The following KSR2 variants were observed in gnomAD, a reference collection of about 807,000 sequenced individuals.
KSR2 encodes kinase suppressor of ras 2.
A neutral mutation model predicts 107.8 loss-of-function variants in KSR2; 25 were observed. That is an observed-to-expected ratio of 0.23 (90% confidence interval 0.17 to 0.32). The LOEUF is 0.32. Among genes scored for constraint, KSR2 ranks in the 10% least tolerant of loss-of-function variants. The pLI is 1.00. For synonymous variants in KSR2, 480 were observed against 507.0 expected (o/e 0.95, Z 0.71); for missense variants, 887 against 1,268.9 (o/e 0.70, Z 4.57).
Position 117,767,140 on chromosome 12 carries a change from G to A in KSR2, c.473-5616C>T, listed in dbSNP as rs557924886. 6.9e-4 allele frequency among the ~76,000 whole-genome samples: 105 copies of A among 151,872 alleles called. 1 individual carries two copies. The highest frequency in any genetic ancestry group is 3.9e-3 in the Admixed American group (59 of 15,248). On this transcript the variant is annotated intron_variant, in intron 3 of 19. Transcript: ENST00000339824. ...GAGAGAGGAAAAAATTAGGCCAGGC[G>A]CGGTGGCTCACGCCTGTAATCCCAG...
Position 117,947,254 on chromosome 12 carries a change from AAAG to A in KSR2, c.180+20819_180+20821del, listed in dbSNP as rs1432711017. Reference sequence around the variant, plus strand: ...GAAAGAAAGAAAGAAAGAAAGAAAGAAAGAAGATAAACCACATGACCATACTAA... The same window carrying A: ...GAAAGAAAGAAAGAAAGAAAGAAAGAAAGATAAACCACATGACCATACTAA... On this transcript the variant is annotated intron_variant, in intron 1 of 19. Coordinates refer to ENST00000339824, the MANE Select transcript of KSR2 (RefSeq NM_173598.6). Among the ~76,000 whole-genome samples the A allele has an allele frequency of 4.8e-3, 594 of 124,578 alleles. 7 individuals are homozygous for A. The highest frequency in any genetic ancestry group is 0.018 in the African/African-American group (571 of 31,802). 81.7% of individuals were successfully genotyped at this position (124,578 alleles called of 152,430 possible).
At chr12:117,670,680 G>A (rs531478032) in intron 4 of KSR2, among the ~76,000 whole-genome samples, 118 of 152,144 alleles carry the variant, frequency 7.8e-4, no homozygotes, top group Middle Eastern at 3.4e-3. Context: ...GAAACCCCAC[G>A]CAGATATTTC....
intron 9 of KSR2, among the ~76,000 whole-genome samples, chr12:117,545,137 T>C (rs887438964): frequency 7.9e-5 from 12 of 152,202 alleles, no homozygotes; most frequent in African/African-American, 2.4e-4. Context: ...TAATTGATTT[T>C]TCAGATATTG....
At chr12:117,924,572 C>CAAAAAAAAAAAAAAAAAA (rs58789868) in intron 1 of KSR2, among the ~76,000 whole-genome samples, 7 of 39,510 alleles carry the variant, frequency 1.8e-4, no homozygotes, top group Non-Finnish European at 2.4e-4. Context: ...AGCTCCATCT[C>CAAAAAAAAAAAAAAAAAA]AAAAAAAAAA....
intron 3 of KSR2, among the ~76,000 whole-genome samples, chr12:117,834,718 A>C (rs1335385143): frequency 6.6e-6 from 1 of 152,188 alleles, no homozygotes; most frequent in African/African-American, 2.4e-5. Flanking sequence ...GAATCATACT[A>C]ATAGTAATAT....
chr12:117,605,531 A>C (rs1593042522), intron 5 of KSR2, among the ~76,000 whole-genome samples: 1 of 151,926 alleles, frequency 6.6e-6, no homozygotes, highest in Non-Finnish European at 1.5e-5. Flanking sequence ...TATTTTTCCT[A>C]ATGTTCTCTC....
intron 5 of KSR2, among the ~76,000 whole-genome samples, chr12:117,652,626 C>A (rs1883951805): frequency 6.6e-6 from 1 of 152,162 alleles, no homozygotes; most frequent in Admixed American, 6.5e-5. Flanking sequence ...TGCAGTGAAT[C>A]TTTCTCCCAT....
At chr12:117,837,410 C>A (rs1466979575) in intron 3 of KSR2, among the ~76,000 whole-genome samples, 1 of 152,162 alleles carries the variant, frequency 6.6e-6, no homozygotes, top group Non-Finnish European at 1.5e-5. Context: ...GCTTATCGGG[C>A]AGCGCCTCCT....
chr12:117,870,492 C>T (rs1893614354), intron 1 of KSR2, among the ~76,000 whole-genome samples: 2 of 151,826 alleles, frequency 1.3e-5, no homozygotes, highest in Admixed American at 6.6e-5. Context: ...CCCAGCTACT[C>T]GGGAGGCTGA....
At chr12:117,530,204 G>A (rs369974136) in intron 12 of KSR2, among the ~76,000 whole-genome samples, 1 of 152,188 alleles carries the variant, frequency 6.6e-6, no homozygotes, top group African/African-American at 2.4e-5. Context: ...ACAGTGGTGA[G>A]ATCATGAGTG....
At chr12:117,467,601 G>A (rs1871218866) in intron 19 of KSR2, among the ~76,000 whole-genome samples, 1 of 152,264 alleles carries the variant, frequency 6.6e-6, no homozygotes, top group South Asian at 2.1e-4. Context: ...TTCCCACTTG[G>A]GCATGGACTA....
rs374977823 is a variant in KSR2, at chr12:117,761,349, G to A, written c.648C>T (p.Pro216=). The change falls in exon 4 of 20, where the codon CCC becomes CCT. Residue 216 remains proline, a synonymous_variant. Coordinates refer to ENST00000339824, the MANE Select transcript of KSR2 (RefSeq NM_173598.6). ...CCACGTGGGTGTACACAGGGGCCCCGGGAGTGGGGCTGGTGTGACAATAGT... is the reference window on the plus strand; with the variant it reads ...CCACGTGGGTGTACACAGGGGCCCCAGGAGTGGGGCTGGTGTGACAATAGT... ...VQHYCHTSPT[P]GAPVYTHVDR... is the part of the protein sequence containing the mutation. 3.8e-5 allele frequency: 61 copies of A among 1,584,468 alleles called. 1 individual carries two copies. The South Asian group carries it at 6.9e-4, about 18-fold the overall frequency.
chr12:117,586,770 A>G (rs1026688164), intron 5 of KSR2, among the ~76,000 whole-genome samples: 2 of 152,174 alleles, frequency 1.3e-5, no homozygotes, highest in Non-Finnish European at 2.9e-5. Flanking sequence ...CAGAGTATAC[A>G]CACACATAGC....
At chr12:117,582,442 G>A (rs1041750812) in intron 5 of KSR2, 83 bp from the exon 6 acceptor site, 4 of 1,005,936 alleles carry the variant, frequency 4.0e-6, no homozygotes, top group South Asian at 1.3e-5. Context: ...GAAAAGGGGG[G>A]CTCGTCACCC....
At chr12:117,866,193 T>C (rs1893464657) in intron 1 of KSR2, among the ~76,000 whole-genome samples, 1 of 152,130 alleles carries the variant, frequency 6.6e-6, no homozygotes, top group African/African-American at 2.4e-5. Context: ...TGTGCCACCA[T>C]GCCTGGCATG....
intron 4 of KSR2, among the ~76,000 whole-genome samples, chr12:117,756,945 C>T (rs1367317672): frequency 6.6e-6 from 1 of 151,836 alleles, no homozygotes; most frequent in African/African-American, 2.4e-5. Context: ...ATCCCAGCTA[C>T]TCAGGAGGCT....
At chr12:117,471,054 G>C in intron 18 of KSR2, 137 bp downstream of exon 18, 1 of 1,037,522 alleles carries the variant, frequency 9.6e-7, no homozygotes, top group Admixed American at 3.2e-5. Context: ...ACTGCCATCT[G>C]ACAAGGTTGG....
At chr12:117,542,970 T>C (rs1565892683) in intron 9 of KSR2, among the ~76,000 whole-genome samples, 1 of 152,206 alleles carries the variant, frequency 6.6e-6, no homozygotes, top group Admixed American at 6.5e-5. Flanking sequence ...TTTTGACTGA[T>C]TGCTGAGTAG....
At chr12:117,946,322 TA>T (rs1353548906) in intron 1 of KSR2, among the ~76,000 whole-genome samples, 2 of 152,036 alleles carry the variant, frequency 1.3e-5, no homozygotes, top group Admixed American at 1.3e-4. Flanking sequence ...ATTAAAATTA[TA>T]AACTTCCAGC....
Sources: allele counts gnomAD v4.1 joint callset (sites outside exome capture counted in the v4.1 genomes callset), GRCh38; gene constraint gnomAD v4.1.1; transcripts MANE v1.5; gene names NCBI Gene and HGNC (gene_info 2026-07-23, HGNC 2026-07-21).